Variants in ZBTB20 observed in about 807,000 individuals in gnomAD.
ZBTB20 encodes zinc finger and BTB domain-containing protein 20.
In ZBTB20, 9 loss-of-function variants were observed where a neutral mutation model predicts 56.9. The ratio of observed to expected loss-of-function variants is 0.16; its 90% CI spans 0.10 to 0.28. The LOEUF (loss-of-function observed/expected upper bound fraction) is 0.28, where lower values mean the gene tolerates loss of function less well. ZBTB20 is among the 10% of genes least tolerant of loss of function. ZBTB20 has a pLI of 1.00. For synonymous variants in ZBTB20, 417 were observed against 420.7 expected, an observed-to-expected ratio of 0.99 and a Z score of 0.11; for missense variants, 655 against 1,003.0, an observed-to-expected ratio of 0.65 and a Z score of 4.69.
intron 6 of ZBTB20, among the ~76,000 whole-genome samples, chr3:114,589,757 C>A (rs142696696): frequency 7.5e-4 from 114 of 152,296 alleles, no homozygotes; most frequent in Non-Finnish European, 1.3e-3. Context: ...GCAACAGAAA[C>A]ATATTTTTAC....
chr3:114,567,146 A>G lies in ZBTB20; in HGVS notation c.-294-66755T>C, dbSNP rs148914237. On this transcript the variant is annotated intron_variant, in intron 6 of 11. Coordinates refer to ENST00000675478, the MANE Select transcript of ZBTB20 (RefSeq NM_001348800.3). ...TATGTGTGTGTTTGCCTGGAGTTATAGCTGCACATGTTATTGTGTGACTTT... is the reference window on the plus strand; with the variant it reads ...TATGTGTGTGTTTGCCTGGAGTTATGGCTGCACATGTTATTGTGTGACTTT... Among the ~76,000 whole-genome samples the G allele has an allele frequency of 2.2e-4, 33 of 152,276 alleles. 1 individual carries two copies. Among genetic ancestry groups the G allele is most frequent in the African/African-American group, 7.0e-4 (29 of 41,544 alleles).
intron 6 of ZBTB20, among the ~76,000 whole-genome samples, chr3:114,670,462 C>CT (rs1359541039): frequency 6.6e-6 from 1 of 152,046 alleles, no homozygotes; most frequent in Non-Finnish European, 1.5e-5. Flanking sequence ...CTTCAAAACA[C>CT]TTGCCTTTTT....
chr3:114,631,731 A>T (rs1183023459), intron 6 of ZBTB20, among the ~76,000 whole-genome samples: 4 of 152,054 alleles, frequency 2.6e-5, no homozygotes, highest in African/African-American at 7.2e-5. Flanking sequence ...ATATTTAGAA[A>T]TTTTTTCTTA....
At position 114,696,811 on chromosome 3, in the gene ZBTB20, AAAAG is replaced by A. The variant is rs1479753379; in HGVS notation, c.-342-3240_-342-3237del. 2.0e-4 allele frequency among the ~76,000 whole-genome samples: 30 copies of A among 152,200 alleles called. No individual in the cohort carries two copies. The South Asian group carries it at 3.7e-3, about 19-fold the overall frequency. On this transcript the variant is annotated intron_variant, in intron 5 of 11. Coordinates refer to ENST00000675478, the MANE Select transcript of ZBTB20 (RefSeq NM_001348800.3). ...GAAGGGCTACAGAAAGAGCGAGAGA[AAAAG>A]AGAGAGAGAAAGAGAGAGATTTATT...
intron 1 of ZBTB20, among the ~76,000 whole-genome samples, chr3:115,083,311 G>C (rs1428726205): frequency 6.6e-6 from 1 of 151,796 alleles, no homozygotes; most frequent in South Asian, 2.1e-4. Flanking sequence ...TCTCCTCACA[G>C]CCTAGAGTTT....
At chr3:115,035,251 A>G (rs1343568677) in intron 2 of ZBTB20, among the ~76,000 whole-genome samples, 1 of 152,122 alleles carries the variant, frequency 6.6e-6, no homozygotes, top group East Asian at 1.9e-4. Context: ...ATGCACCTCA[A>G]AAGTCACCAT....
chr3:114,573,316 TGG>T (rs979797330), intron 6 of ZBTB20, among the ~76,000 whole-genome samples: 3 of 151,780 alleles, frequency 2.0e-5, no homozygotes, highest in Non-Finnish European at 4.4e-5. Context: ...AAAAAGTAGC[TGG>T]GCTTGGTGGC....
chr3:114,371,545 TC>T (rs2083013719), intron 10 of ZBTB20, among the ~76,000 whole-genome samples: 3 of 152,324 alleles, frequency 2.0e-5, no homozygotes, highest in Admixed American at 2.0e-4. Context: ...AGCCTAGGGC[TC>T]CAGTTTATAA....
chr3:114,453,929 C>T lies in ZBTB20; in HGVS notation c.-255+46423G>A, dbSNP rs958287178. ...TCAGACATTAAGCTCACTCCCCCCC[C>T]CCCCACCCTTCCCTTTGTAAAGAAC... On this transcript the variant is annotated intron_variant, in intron 7 of 11. Transcript: ENST00000675478. Among the ~76,000 whole-genome samples the T allele has an allele frequency of 1.9e-4, 23 of 120,642 alleles. 1 individual carries two copies. The highest frequency in any genetic ancestry group is 2.7e-4 in the Non-Finnish European group (15 of 55,980). 79.1% of individuals were successfully genotyped at this position (120,642 alleles called of 152,430 possible).
At chr3:114,744,676 T>G (rs1304888530) in intron 5 of ZBTB20, among the ~76,000 whole-genome samples, 2 of 152,170 alleles carry the variant, frequency 1.3e-5, no homozygotes, top group Non-Finnish European at 2.9e-5. Context: ...GCTACAGCGA[T>G]AGTCACCATA....
chr3:114,437,269 A>ATTTT (rs2090580285), intron 7 of ZBTB20, among the ~76,000 whole-genome samples: 1 of 152,132 alleles, frequency 6.6e-6, no homozygotes, highest in Admixed American at 6.5e-5. Context: ...CCCTTGAGAG[A>ATTTT]TGTCATGGTT....
At chr3:114,529,585 A>G (rs996377133) in intron 6 of ZBTB20, 2 of 152,240 alleles carry the variant, frequency 1.3e-5, no homozygotes, top group African/African-American at 2.4e-5. Flanking sequence ...AACTCTAGTT[A>G]GTTGAATGAA....
intron 7 of ZBTB20, among the ~76,000 whole-genome samples, chr3:114,473,725 C>G (rs1419346238): frequency 2.6e-5 from 4 of 152,174 alleles, no homozygotes; most frequent in African/African-American, 4.8e-5. Flanking sequence ...TTTCCTTCCC[C>G]TGCCTTCCCC....
At chr3:114,630,866 T>C (rs1386276964) in intron 6 of ZBTB20, among the ~76,000 whole-genome samples, 2 of 152,178 alleles carry the variant, frequency 1.3e-5, no homozygotes, top group Non-Finnish European at 2.9e-5. Context: ...GATATTATTA[T>C]TTGCTCACAC....
chr3:114,548,706 ACGGGGTTT>A, intron 6 of ZBTB20, among the ~76,000 whole-genome samples: 1 of 151,698 alleles, frequency 6.6e-6, no homozygotes, highest in East Asian at 1.9e-4. Flanking sequence ...TTTAGTAGAG[ACGGGGTTT>A]CGCCATATTG....
At chr3:114,510,179 A>G (rs1416673164) in intron 6 of ZBTB20, among the ~76,000 whole-genome samples, 2 of 152,218 alleles carry the variant, frequency 1.3e-5, no homozygotes, top group Non-Finnish European at 1.5e-5. Flanking sequence ...AAGTGTCAGC[A>G]GAGGTAAATT....
Position 115,105,356 on chromosome 3 carries a change from C to T in ZBTB20, c.-702-33942G>A, listed in dbSNP as rs189353723. On this transcript the variant is annotated intron_variant, in intron 1 of 11. Coordinates refer to ENST00000675478, the MANE Select transcript of ZBTB20 (RefSeq NM_001348800.3). ...AAAAAAGAGAGATTAAGTGACTTGC[C>T]TGAGATCACATAGCATAATAATAAT... is the stretch of plus-strand genomic sequence containing the variant. 2.9e-3 allele frequency among the ~76,000 whole-genome samples: 448 copies of T among 152,236 alleles called. 3 individuals are homozygous for T. The highest frequency in any genetic ancestry group is 0.011 in the African/African-American group (440 of 41,530).
At position 114,350,446 on chromosome 3, in the gene ZBTB20, C is replaced by G. The variant is rs757774979; in HGVS notation, c.1632G>C (p.Gln544His). ...GQQTQFVTVSQPGLSTFTAQL... is the reference protein window; with the variant it reads ...GQQTQFVTVSHPGLSTFTAQL... ...GTGCAGTAAAGGTCGACAGACCGGG[C>G]TGGGACACTGTCACAAACTGGGTCT... Residue 544 changes from glutamine (Q) to histidine (H), a missense_variant, in exon 11 of 12, where the codon CAG (glutamine) becomes CAC (histidine). Gln to His is a conservative substitution (Grantham distance 24). Around this residue, in one of 10 missense-constraint regions of ZBTB20, gnomAD observed 71 missense variants for 89.4 expected, o/e 0.79. Transcript: ENST00000675478. The G allele has an allele frequency of 1.2e-6, 2 of 1,614,004 alleles. No homozygotes were observed. Among genetic ancestry groups the G allele is most frequent in the South Asian group, 2.2e-5 (2 of 91,074 alleles).
chr3:114,540,573 C>T (rs960041340), intron 6 of ZBTB20, among the ~76,000 whole-genome samples: 13 of 152,252 alleles, frequency 8.5e-5, no homozygotes, highest in African/African-American at 3.1e-4. Flanking sequence ...GTGCAGGCTA[C>T]AGTTGCTTAA....
Sources: allele counts gnomAD v4.1 joint callset (sites outside exome capture counted in the v4.1 genomes callset), GRCh38; gene constraint gnomAD v4.1.1; regional missense constraint gnomAD v4.1.1; transcripts MANE v1.5; gene names NCBI Gene and HGNC (gene_info 2026-07-23, HGNC 2026-07-21).